The following SRRM2 variants were observed in gnomAD, a reference collection of about 807,000 sequenced individuals.
SRRM2 encodes serine/arginine repetitive matrix 2.
A neutral mutation model predicts 213.8 loss-of-function variants in SRRM2; 30 were observed. The ratio of observed to expected loss-of-function variants is 0.14; its 90% CI spans 0.10 to 0.19. SRRM2 has a LOEUF of 0.19. Among genes scored for constraint, SRRM2 ranks in the 10% least tolerant of loss-of-function variants. SRRM2 has a pLI of 1.00. For synonymous variants in SRRM2, 2,025 were observed against 1,377.7 expected, an observed-to-expected ratio of 1.47 and a Z score of -10.40; for missense variants, 4,904 against 3,647.0, an observed-to-expected ratio of 1.34 and a Z score of -8.88.
rs766681305 is a variant in SRRM2, at chr16:2,767,562, A to G, written c.7034A>G (p.His2345Arg). The G allele has an allele frequency of 1.1e-5, 17 of 1,614,012 alleles. No individual in the cohort carries two copies. Among genetic ancestry groups the G allele is most frequent in the African/African-American group, 1.3e-5 (1 of 74,902 alleles). Residue 2345 changes from histidine to arginine, a missense_variant, in exon 11 of 15, where the codon CAT (histidine) becomes CGT (arginine). Transcript: ENST00000301740. ...SANLVGPRSA[H>R]ATAPVNIAGS... ...AACCTGGTGGGTCCTCGGTCTGCACATGCCACAGCTCCTGTGAATATTGCC... is the reference window on the plus strand; with the variant it reads ...AACCTGGTGGGTCCTCGGTCTGCACGTGCCACAGCTCCTGTGAATATTGCC...
intron 3 of SRRM2, 26 bp downstream of exon 3, chr16:2,757,605 ACT>A (rs2068191303): frequency 6.2e-7 from 1 of 1,600,290 alleles, no homozygotes. Flanking sequence ...TCCCTCGATG[ACT>A]CTGGACTCTA....
intron 1 of SRRM2, 116 bp from the exon 2 acceptor site, chr16:2,756,216 CTT>C (rs2068134569): frequency 5.1e-6 from 5 of 990,058 alleles, no homozygotes; most frequent in Non-Finnish European, 7.2e-6. Context: ...ACAGCGAAGA[CTT>C]AGTGTGAAGA....
chr16:2,764,477 C>T lies in SRRM2; in HGVS notation c.3949C>T (p.Leu1317=), dbSNP rs1187727828. Residue 1317 remains leucine, a synonymous_variant, in exon 11 of 15, where the codon CTG becomes TTG. Transcript: ENST00000301740. The part of the protein sequence containing the change: ...GPHFSPEHKE[L]SNSPLRENSF... ...ACATTTTTCTCCAGAACATAAAGAA[C>T]TGTCTAACTCCCCACTCAGGGAGAA... is the stretch of plus-strand genomic sequence containing the variant. 1 of 1,613,718 alleles carries T rather than the reference C, an allele frequency of 6.2e-7. No individual in the cohort carries two copies. Among genetic ancestry groups the T allele is most frequent in the South Asian group, 1.1e-5 (1 of 90,946 alleles).
intron 7 of SRRM2, 77 bp from the exon 8 acceptor site, chr16:2,759,275 C>T (rs536153993): frequency 6.9e-6 from 11 of 1,605,820 alleles, no homozygotes; most frequent in South Asian, 2.2e-5. Context: ...TGTCAACACT[C>T]CCTCTTTCCA....
chr16:2,771,291 C>G lies in SRRM2; in HGVS notation c.*424C>G, dbSNP rs964192291. On this transcript the variant is annotated 3_prime_UTR_variant, in exon 15 of 15. Transcript: ENST00000301740. ...GTTGGAATTAGTTGGTCCCTACTGT[C>G]CCCCATGAGGTTGTGAACCCCTCCC... The G allele has an allele frequency of 1.1e-6, 1 of 939,694 alleles. No homozygotes were observed. The highest frequency in any genetic ancestry group is 1.7e-6 in the Non-Finnish European group (1 of 589,600). The allele number at this position is 939,694 out of a possible 1,614,324, so 58.2% of individuals were successfully genotyped here.
At chr16:2,768,938 G>A in intron 11 of SRRM2, 59 bp from the exon 12 acceptor site, 1 of 1,607,604 alleles carries the variant, frequency 6.2e-7, no homozygotes, top group Non-Finnish European at 8.5e-7. Flanking sequence ...CCAGGCCAAG[G>A]AAGGTAGGGT....
chr16:2,756,801 C>G (rs775588962), intron 2 of SRRM2, among the ~76,000 whole-genome samples, 195 bp downstream of exon 2: 6 of 151,980 alleles, frequency 3.9e-5, no homozygotes, highest in Admixed American at 3.3e-4. Context: ...GGCTGTGTGT[C>G]TGGGGCATAG....
rs1425647691 is a variant in SRRM2, at chr16:2,765,658, C to T, written c.5130C>T (p.Ala1710=). 7 of 1,614,034 alleles carry T rather than the reference C, an allele frequency of 4.3e-6. No individual in the cohort carries two copies. Among genetic ancestry groups the T allele is most frequent in the African/African-American group, 2.7e-5 (2 of 74,930 alleles). ...KARLSRRSRS[A]SSSPETRSRT... ...GACTGTCCCGTAGAAGCCGCTCTGC[C>T]TCATCCTCACCAGAAACTCGCTCTA... Residue 1710 remains alanine, a synonymous_variant, in exon 11 of 15, where the codon GCC becomes GCT. Transcript: ENST00000301740.
At chr16:2,769,650 C>A (rs1311515704) in intron 12 of SRRM2, 3 of 550,874 alleles carry the variant, frequency 5.4e-6, no homozygotes, top group Non-Finnish European at 1.0e-5. Context: ...CTCCCCGTCT[C>A]CACGCCATTC....
At position 2,767,259 on chromosome 16, in the gene SRRM2, G is replaced by T; in HGVS notation, c.6731G>T (p.Ser2244Ile). 1 of 1,614,094 alleles carries T rather than the reference G, an allele frequency of 6.2e-7. No individual in the cohort carries two copies. The highest frequency in any genetic ancestry group is 8.5e-7 in the Non-Finnish European group (1 of 1,180,042). Residue 2244 changes from serine to isoleucine, a missense_variant, in exon 11 of 15, where the codon AGC becomes ATC. Physicochemically the swap from Ser to Ile is moderately radical, Grantham distance 142 (BLOSUM62 -2). Coordinates refer to ENST00000301740, the MANE Select transcript of SRRM2 (RefSeq NM_016333.4). The part of the protein sequence containing the change: ...AASAAAMNLA[S>I]ARTPAIPTAV... ...TCTGCGGCAGCCATGAACCTAGCCA[G>T]CGCCAGGACACCTGCCATTCCAACA...
Position 2,765,339 on chromosome 16 carries a change from T to C in SRRM2, c.4811T>C (p.Val1604Ala), listed in dbSNP as rs764802055. Residue 1604 changes from valine to alanine, a missense_variant, in exon 11 of 15, where the codon GTG becomes GCG. Coordinates refer to ENST00000301740, the MANE Select transcript of SRRM2 (RefSeq NM_016333.4). The part of the protein sequence containing the change: ...RRSRSGSSPE[V>A]KDKPRAAPRA... ...AGTAGGTCTGGTTCCTCCCCTGAAG[T>C]GAAAGATAAGCCAAGAGCAGCACCC... 11 of 1,613,896 alleles carry C rather than the reference T, an allele frequency of 6.8e-6. No homozygotes were observed. The highest frequency in any genetic ancestry group is 9.3e-6 in the Non-Finnish European group (11 of 1,179,976).
chr16:2,767,899 C>A lies in SRRM2; in HGVS notation c.7371C>A (p.Asp2457Glu). The A allele has an allele frequency of 6.2e-7, 1 of 1,614,160 alleles. No individual in the cohort carries two copies. The highest frequency in any genetic ancestry group is 1.6e-4 in the Middle Eastern group (1 of 6,062). Reference protein sequence around the residue: ...PRSPVPSAFSDQSRCLIAQTT... With the variant: ...PRSPVPSAFSEQSRCLIAQTT... ...CTCCTGTGCCTTCTGCTTTTTCAGA[C>A]CAATCCCGTTGTTTGATTGCCCAGA... is the stretch of plus-strand genomic sequence containing the variant. Residue 2457 changes from aspartate to glutamate, a missense_variant, in exon 11 of 15, where the codon GAC becomes GAA. By Grantham distance (45) the Asp-to-Glu change is conservative. Coordinates refer to ENST00000301740, the MANE Select transcript of SRRM2 (RefSeq NM_016333.4).
Position 2,764,935 on chromosome 16 carries a change from A to C in SRRM2, c.4407A>C (p.Ile1469=). ...LSGSSPGMKD[I]PRTPSRGRSE... ...GGTCCTCTCCTGGAATGAAAGATAT[A>C]CCTAGAACGCCATCTAGAGGGAGAA... Residue 1469 remains isoleucine (I), a synonymous_variant, in exon 11 of 15, where the codon ATA becomes ATC. Coordinates refer to ENST00000301740, the MANE Select transcript of SRRM2 (RefSeq NM_016333.4). 1 of 1,614,112 alleles carries C rather than the reference A, an allele frequency of 6.2e-7. No individual in the cohort carries two copies. The highest frequency in any genetic ancestry group is 8.5e-7 in the Non-Finnish European group (1 of 1,180,014).
At position 2,761,913 on chromosome 16, in the gene SRRM2, G is replaced by T; in HGVS notation, c.1385G>T (p.Arg462Leu). 1 of 1,613,492 alleles carries T rather than the reference G, an allele frequency of 6.2e-7. No individual in the cohort carries two copies. The highest frequency in any genetic ancestry group is 8.5e-7 in the Non-Finnish European group (1 of 1,179,954). Reference sequence around the variant, plus strand: ...TCTTCTTCTCCCACATCTAAGAATCGCTCACATGGCCGAGCAAAACGGGAT... The same window carrying T: ...TCTTCTTCTCCCACATCTAAGAATCTCTCACATGGCCGAGCAAAACGGGAT... Reference protein sequence around the residue: ...EISSSPTSKNRSHGRAKRDKS... With the variant: ...EISSSPTSKNLSHGRAKRDKS... The change falls in exon 11 of 15, where the codon CGC becomes CTC. Residue 462 changes from arginine to leucine, a missense_variant. By Grantham distance (102) the Arg-to-Leu change is moderately radical. Coordinates refer to ENST00000301740, the MANE Select transcript of SRRM2 (RefSeq NM_016333.4).
Position 2,761,878 on chromosome 16 carries a change from C to T in SRRM2, c.1350C>T (p.His450=). ...SPKPAPAPGS[H]REISSSPTSK... Reference sequence around the variant, plus strand: ...AACCTGCTCCAGCTCCAGGGTCCCACCGAGAGATTTCTTCTTCTCCCACAT... The same window carrying T: ...AACCTGCTCCAGCTCCAGGGTCCCATCGAGAGATTTCTTCTTCTCCCACAT... The change falls in exon 11 of 15, where the codon CAC becomes CAT. Residue 450 remains histidine, a synonymous_variant. Coordinates refer to ENST00000301740, the MANE Select transcript of SRRM2 (RefSeq NM_016333.4). 4 of 1,612,384 alleles carry T rather than the reference C, an allele frequency of 2.5e-6. No homozygotes were observed. The highest frequency in any genetic ancestry group is 1.3e-5 in the African/African-American group (1 of 75,054).
chr16:2,758,458 AT>A lies in SRRM2; in HGVS notation c.516-7del. The A allele has an allele frequency of 1.2e-6, 2 of 1,612,132 alleles. No individual in the cohort carries two copies. Among genetic ancestry groups the A allele is most frequent in the Non-Finnish European group, 1.7e-6 (2 of 1,178,222 alleles). The stretch of plus-strand genomic sequence containing the variant: ...CTACCACCCATCTCTGCTGCTTTTC[AT>A]TTTTCCCTAGCCTTGTTCGGGAGTC... On this transcript the variant is annotated splice_polypyrimidine_tract_variant and intron_variant, in intron 4 of 14. Transcript: ENST00000301740.
chr16:2,758,912 G>T, intron 5 of SRRM2, 73 bp from the exon 6 acceptor site: 1 of 1,565,792 alleles, frequency 6.4e-7, no homozygotes, highest in Non-Finnish European at 8.7e-7. Context: ...AACCTTTTTA[G>T]GAGAGAGATT....
chr16:2,763,446 C>T lies in SRRM2; in HGVS notation c.2918C>T (p.Ser973Phe), dbSNP rs764348806. The T allele has an allele frequency of 6.2e-7, 1 of 1,614,202 alleles. No individual in the cohort carries two copies. The highest frequency in any genetic ancestry group is 1.1e-5 in the South Asian group (1 of 91,074). The change falls in exon 11 of 15, where the codon TCC (serine) becomes TTC (phenylalanine). Residue 973 changes from serine (S) to phenylalanine (F), a missense_variant. Ser to Phe is a radical substitution (Grantham distance 155). Transcript: ENST00000301740. The part of the protein sequence containing the change: ...LLPRYSHSGS[S>F]SPDTKVKPET... ...CCAAGATACAGTCATTCTGGGTCCT[C>T]CTCACCAGATACCAAAGTGAAACCT...
rs774864804 is a variant in SRRM2, at chr16:2,756,348, C to G, written c.-17C>G. ...CTCCCCCTCAGGAGCGGTGGTGCCCCCCCCGGGCACGGGGCCATGTACAAC... is the reference window on the plus strand; with the variant it reads ...CTCCCCCTCAGGAGCGGTGGTGCCCGCCCCGGGCACGGGGCCATGTACAAC... On this transcript the variant is annotated 5_prime_UTR_variant, in exon 2 of 15. Transcript: ENST00000301740. 12 of 1,586,552 alleles carry G rather than the reference C, an allele frequency of 7.6e-6. No individual in the cohort carries two copies. The highest frequency in any genetic ancestry group is 2.3e-5 in the East Asian group (1 of 44,058).
Sources: allele counts gnomAD v4.1 joint callset (sites outside exome capture counted in the v4.1 genomes callset), GRCh38; gene constraint gnomAD v4.1.1; transcripts MANE v1.5; gene names NCBI Gene and HGNC (gene_info 2026-07-23, HGNC 2026-07-21).